The following AUTS2 variants were observed in gnomAD, a reference collection of about 807,000 sequenced individuals.
AUTS2 encodes the protein activator of transcription and developmental regulator AUTS2, also known as autism susceptibility gene 2 protein.
A neutral mutation model predicts 112.4 loss-of-function variants in AUTS2; 17 were observed. The ratio of observed to expected loss-of-function variants is 0.15; its 90% CI spans 0.10 to 0.23. The LOEUF is 0.23. Among genes scored for constraint, AUTS2 ranks in the 10% least tolerant of loss-of-function variants. The pLI, the probability that AUTS2 is intolerant of heterozygous loss-of-function variation, is 1.00. For missense variants in AUTS2, 1,510 were observed against 1,701.6 expected (o/e 0.89, Z 1.98); for synonymous variants, 751 against 702.7 (o/e 1.07, Z -1.09).
chr7:69,728,083 A>G (rs766997906), intron 1 of AUTS2, among the ~76,000 whole-genome samples: 5 of 152,150 alleles, frequency 3.3e-5, no homozygotes, highest in Admixed American at 6.5e-5. Flanking sequence ...TTCCAGTGGA[A>G]TGTATGCATA....
chr7:70,106,721 T>C (rs547051768), intron 2 of AUTS2, among the ~76,000 whole-genome samples: 19 of 152,154 alleles, frequency 1.2e-4, no homozygotes, highest in Non-Finnish European at 2.4e-4. Flanking sequence ...CCCTGTCTTA[T>C]ACCATCTCCA....
chr7:70,697,111 G>A (rs2129547266), intron 5 of AUTS2, among the ~76,000 whole-genome samples: 1 of 152,002 alleles, frequency 6.6e-6, no homozygotes, highest in East Asian at 1.9e-4. Context: ...ATCTAGGTAT[G>A]ACTTGTTTCT....
At chr7:70,763,505 G>A (rs998050486) in intron 7 of AUTS2, among the ~76,000 whole-genome samples, 164 bp downstream of exon 7, 4 of 151,954 alleles carry the variant, frequency 2.6e-5, no homozygotes, top group South Asian at 2.1e-4. Context: ...GGTGAGACTC[G>A]GGTCTCTTGG....
intron 1 of AUTS2, among the ~76,000 whole-genome samples, chr7:69,831,461 G>A (rs1308534398): frequency 6.6e-6 from 1 of 152,110 alleles, no homozygotes; most frequent in Admixed American, 6.5e-5. Flanking sequence ...ACTGCTGCCA[G>A]TCTTGGTGGG....
chr7:69,852,831 TA>T (rs921127088), intron 1 of AUTS2, among the ~76,000 whole-genome samples: 1 of 152,218 alleles, frequency 6.6e-6, no homozygotes, highest in African/African-American at 2.4e-5. Flanking sequence ...TGGTATGTTG[TA>T]ATTTCATTTT....
chr7:70,594,279 T>G (rs1302715624), intron 5 of AUTS2, among the ~76,000 whole-genome samples: 1 of 152,096 alleles, frequency 6.6e-6, no homozygotes, highest in Admixed American at 6.6e-5. Context: ...TTCTCAAACT[T>G]GAGTGTGTGC....
intron 1 of AUTS2, among the ~76,000 whole-genome samples, chr7:69,650,545 T>G (rs1795245324): frequency 6.6e-6 from 1 of 152,210 alleles, no homozygotes; most frequent in African/African-American, 2.4e-5. Context: ...GGTCCCTGCC[T>G]GATTTCCTGC....
At chr7:69,756,306 G>A (rs1787943095) in intron 1 of AUTS2, among the ~76,000 whole-genome samples, 1 of 152,220 alleles carries the variant, frequency 6.6e-6, no homozygotes, top group Non-Finnish European at 1.5e-5. Context: ...GGCTGCTAAA[G>A]CCTAAGAAGG....
Position 69,698,558 on chromosome 7 carries a change from C to T in AUTS2, c.309+98596C>T, listed in dbSNP as rs559349684. On this transcript the variant is annotated intron_variant, in intron 1 of 18. Coordinates refer to ENST00000342771, the MANE Select transcript of AUTS2 (RefSeq NM_015570.4). ...GGATCACTGATGTCATAGGCTGCCT[C>T]TTTATTCTGCCTACTTTCCTGCAAG... is the stretch of plus-strand genomic sequence containing the variant. 2.0e-5 allele frequency among the ~76,000 whole-genome samples: 3 copies of T among 152,232 alleles called. No homozygotes were observed. The South Asian group carries it at 6.2e-4, about 32-fold the overall frequency.
intron 1 of AUTS2, among the ~76,000 whole-genome samples, chr7:69,671,790 C>CTATTTTATTT (rs527590074): frequency 8.6e-5 from 13 of 151,914 alleles, no homozygotes; most frequent in African/African-American, 2.4e-4. Flanking sequence ...TATTTTTGTC[C>CTATTTTATTT]TATTTTATTT....
At chr7:70,744,511 A>G (rs1788318584) in intron 6 of AUTS2, among the ~76,000 whole-genome samples, 1 of 152,138 alleles carries the variant, frequency 6.6e-6, no homozygotes, top group African/African-American at 2.4e-5. Context: ...TGCCTTGACG[A>G]GGAGGACATA....
At position 70,643,017 on chromosome 7, in the gene AUTS2, ATT is replaced by A. The variant is rs567938689; in HGVS notation, c.691-55547_691-55546del. On this transcript the variant is annotated intron_variant, in intron 5 of 18. Transcript: ENST00000342771. ...TTACGACCACCCTTCTTGATTTTTG[ATT>A]TTTTAAATGTTTTTGGTTTTGTGAT... Among the ~76,000 whole-genome samples the A allele has an allele frequency of 3.4e-3, 514 of 152,178 alleles. 1 individual carries two copies. Among genetic ancestry groups the A allele is most frequent in the African/African-American group, 0.012 (494 of 41,524 alleles).
intron 4 of AUTS2, among the ~76,000 whole-genome samples, chr7:70,310,606 C>G (rs1358299125): frequency 2.1e-5 from 3 of 140,696 alleles, no homozygotes; most frequent in Non-Finnish European, 4.6e-5. Context: ...GAGCGAGACT[C>G]TGTCTTAAAA....
chr7:69,785,574 G>A (rs554456646), intron 1 of AUTS2, among the ~76,000 whole-genome samples: 1 of 152,358 alleles, frequency 6.6e-6, no homozygotes, highest in African/African-American at 2.4e-5. Flanking sequence ...AATGGCCATA[G>A]ACATAACTCA....
intron 5 of AUTS2, among the ~76,000 whole-genome samples, chr7:70,472,473 A>AT (rs1174346685): frequency 6.6e-6 from 1 of 151,870 alleles, no homozygotes; most frequent in East Asian, 1.9e-4. Context: ...TGCTGGGTAA[A>AT]GGGGGGAACA....
At chr7:70,500,877 C>T (rs890134724) in intron 5 of AUTS2, among the ~76,000 whole-genome samples, 4 of 152,058 alleles carry the variant, frequency 2.6e-5, no homozygotes, top group Non-Finnish European at 4.4e-5. Flanking sequence ...CATCCGCCAC[C>T]ACGCCCAGTT....
intron 4 of AUTS2, among the ~76,000 whole-genome samples, chr7:70,176,854 G>T (rs1426595295): frequency 6.6e-6 from 1 of 152,128 alleles, no homozygotes; most frequent in Non-Finnish European, 1.5e-5. Flanking sequence ...AGCAGATAAC[G>T]GAATTTGGAC....
chr7:70,353,404 G>A (rs540975416), intron 4 of AUTS2, among the ~76,000 whole-genome samples: 9 of 152,120 alleles, frequency 5.9e-5, no homozygotes, highest in African/African-American at 1.4e-4. Context: ...CCACAGGCAT[G>A]GTGGTTTCAC....
intron 2 of AUTS2, among the ~76,000 whole-genome samples, chr7:69,934,780 C>G (rs1796347899): frequency 6.6e-6 from 1 of 152,180 alleles, no homozygotes; most frequent in African/African-American, 2.4e-5. Flanking sequence ...CTCGTCTTGA[C>G]AGATGCTGTC....
Sources: gnomAD v4.1 joint callset for allele counts (sites outside exome capture counted in the v4.1 genomes callset) on GRCh38, gnomAD v4.1.1 for gene constraint, MANE v1.5 for transcripts, NCBI Gene and HGNC (gene_info 2026-07-23, HGNC 2026-07-21) for gene names.